The following KCNIP4 variants were observed in gnomAD, a reference collection of about 807,000 sequenced individuals.
KCNIP4 encodes Kv channel-interacting protein 4.
A neutral mutation model predicts 34.0 loss-of-function variants in KCNIP4; 12 were observed. The observed-to-expected ratio is 0.35, with a 90% CI of 0.23 to 0.57. KCNIP4 has a LOEUF of 0.57. Among genes scored for constraint, KCNIP4 ranks in the 20% least tolerant of loss-of-function variants. KCNIP4 has a pLI of 0.83. For synonymous variants in KCNIP4, 124 were observed against 102.2 expected, an observed-to-expected ratio of 1.21 and a Z score of -1.29; for missense variants, 238 against 311.7, an observed-to-expected ratio of 0.76 and a Z score of 1.78.
intron 2 of KCNIP4, among the ~76,000 whole-genome samples, chr4:20,866,915 C>T (rs1434486568): frequency 6.6e-6 from 1 of 151,910 alleles, no homozygotes; most frequent in East Asian, 1.9e-4. Flanking sequence ...ACAATATTCA[C>T]AAAGAAAATA....
intron 1 of KCNIP4, among the ~76,000 whole-genome samples, chr4:21,156,777 T>A (rs1405674922): frequency 6.6e-6 from 1 of 152,166 alleles, no homozygotes; most frequent in African/African-American, 2.4e-5. Context: ...GATACTGTTT[T>A]TTTTAATAAA....
At chr4:21,489,873 G>GA (rs997642403) in intron 1 of KCNIP4, among the ~76,000 whole-genome samples, 3 of 151,642 alleles carry the variant, frequency 2.0e-5, no homozygotes, top group Admixed American at 6.6e-5. Context: ...CAGACTTGAT[G>GA]AAAAAAAATA....
intron 1 of KCNIP4, among the ~76,000 whole-genome samples, chr4:21,895,183 A>G (rs920930053): frequency 3.9e-5 from 6 of 151,950 alleles, no homozygotes; most frequent in African/African-American, 1.4e-4. Context: ...GTTTTGTTTT[A>G]TTTTCTTCTT....
At chr4:20,927,215 G>T (rs1729994657) in intron 1 of KCNIP4, among the ~76,000 whole-genome samples, 1 of 152,258 alleles carries the variant, frequency 6.6e-6, no homozygotes, top group East Asian at 1.9e-4. Context: ...TTGAACTCGT[G>T]ATCTGCCCAC....
intron 1 of KCNIP4, among the ~76,000 whole-genome samples, chr4:21,148,576 A>C (rs1448414501): frequency 1.3e-5 from 2 of 152,150 alleles, no homozygotes; most frequent in Admixed American, 1.3e-4. Flanking sequence ...TAAATATAAG[A>C]AGTGAAATTC....
At chr4:21,374,664 C>A (rs1364761267) in intron 1 of KCNIP4, among the ~76,000 whole-genome samples, 2 of 147,598 alleles carry the variant, frequency 1.4e-5, no homozygotes, top group Non-Finnish European at 2.9e-5. Context: ...TTATTTTCAT[C>A]AATGGTTGGT....
intron 1 of KCNIP4, among the ~76,000 whole-genome samples, chr4:21,771,648 T>C (rs1718797322): frequency 6.6e-6 from 1 of 151,320 alleles, no homozygotes; most frequent in African/African-American, 2.4e-5. Flanking sequence ...CTCACATCCC[T>C]CGTTAGCTGT....
chr4:20,835,076 A>G (rs1263215571), intron 3 of KCNIP4, among the ~76,000 whole-genome samples: 1 of 152,116 alleles, frequency 6.6e-6, no homozygotes, highest in Non-Finnish European at 1.5e-5. Flanking sequence ...GTTGCTTACC[A>G]TCAAAGAGCC....
chr4:20,847,100 G>A (rs1720476834), intron 3 of KCNIP4, among the ~76,000 whole-genome samples: 2 of 152,148 alleles, frequency 1.3e-5, no homozygotes, highest in African/African-American at 2.4e-5. Context: ...GTCCCACTTT[G>A]ATGGAACATA....
chr4:21,536,404 A>C (rs552903969), intron 1 of KCNIP4, among the ~76,000 whole-genome samples: 1 of 152,310 alleles, frequency 6.6e-6, no homozygotes, highest in African/African-American at 2.4e-5. Context: ...TTTCAGCTAA[A>C]CAAATGACAA....
chr4:20,785,316 G>A (rs1193449513), intron 3 of KCNIP4, among the ~76,000 whole-genome samples: 5 of 141,306 alleles, frequency 3.5e-5, no homozygotes, highest in Non-Finnish European at 7.5e-5. Flanking sequence ...GCTTTTCTTT[G>A]GATTTTTTTT....
chr4:21,113,455 TAA>T (rs56676152), intron 1 of KCNIP4, among the ~76,000 whole-genome samples: 5 of 62,380 alleles, frequency 8.0e-5, no homozygotes, highest in African/African-American at 3.5e-4. Flanking sequence ...TCTATAAGTT[TAA>T]AAAAAAAAAA....
intron 1 of KCNIP4, among the ~76,000 whole-genome samples, chr4:21,025,531 C>G (rs1018083087): frequency 7.8e-6 from 1 of 128,184 alleles, no homozygotes; most frequent in Non-Finnish European, 1.6e-5. Context: ...AAAAAGGTCA[C>G]TCATTGATAC....
chr4:21,933,850 G>A (rs1729708521), intron 1 of KCNIP4, among the ~76,000 whole-genome samples: 1 of 152,074 alleles, frequency 6.6e-6, no homozygotes. Context: ...TACCTTTAAA[G>A]GCATTTCATA....
At chr4:21,233,389 T>C (rs1050752299) in intron 1 of KCNIP4, among the ~76,000 whole-genome samples, 2 of 152,054 alleles carry the variant, frequency 1.3e-5, no homozygotes, top group African/African-American at 4.8e-5. Flanking sequence ...ATCCATAGTA[T>C]TTTAATGTAA....
At chr4:21,636,352 C>T (rs1018871580) in intron 1 of KCNIP4, among the ~76,000 whole-genome samples, 2 of 150,992 alleles carry the variant, frequency 1.3e-5, no homozygotes, top group African/African-American at 4.9e-5. Flanking sequence ...CATTCAAAGT[C>T]CCTGACAGAA....
At chr4:21,564,404 GA>G (rs1739681300) in intron 1 of KCNIP4, among the ~76,000 whole-genome samples, 1 of 152,052 alleles carries the variant, frequency 6.6e-6, no homozygotes, top group South Asian at 2.1e-4. Flanking sequence ...AACCTAGGTG[GA>G]AAAGAACTCA....
intron 1 of KCNIP4, among the ~76,000 whole-genome samples, chr4:20,952,477 T>G (rs1241356475): frequency 6.6e-6 from 1 of 152,174 alleles, no homozygotes; most frequent in African/African-American, 2.4e-5. Context: ...AATTTTACTA[T>G]CTAGTAATTG....
chr4:21,741,737 T>C (rs1462538248), intron 1 of KCNIP4, among the ~76,000 whole-genome samples: 1 of 152,128 alleles, frequency 6.6e-6, no homozygotes, highest in Non-Finnish European at 1.5e-5. Context: ...TTGATATCAA[T>C]GTAACTGAAA....
Sources: allele counts gnomAD v4.1 joint callset (sites outside exome capture counted in the v4.1 genomes callset), GRCh38; gene constraint gnomAD v4.1.1; transcripts MANE v1.5; gene names NCBI Gene and HGNC (gene_info 2026-07-23, HGNC 2026-07-21).